The following SETX variants were observed in gnomAD, a reference collection of about 807,000 sequenced individuals.
SETX encodes the protein helicase senataxin.
Under a neutral mutation model 227.2 loss-of-function variants are expected in SETX, and 90 were observed. The ratio of observed to expected loss-of-function variants is 0.40; its 90% CI spans 0.33 to 0.47. SETX has a LOEUF of 0.47. SETX is among the 20% of genes least tolerant of loss of function. The pLI, the probability that SETX is intolerant of heterozygous loss-of-function variation, is 0.91. For synonymous variants in SETX, 1,210 were observed against 1,113.2 expected (o/e 1.09, Z -1.73); for missense variants, 3,052 against 3,181.5 (o/e 0.96, Z 0.98).
At chr9:132,275,502 T>C (rs925618053) in intron 22 of SETX, 82 bp from the exon 23 acceptor site, 1 of 1,250,042 alleles carries the variant, frequency 8.0e-7, no homozygotes, top group Non-Finnish European at 1.1e-6. Context: ...ACTGAGTTTG[T>C]TTCCCATTAT....
At chr9:132,310,933 A>T (rs1471324048) in intron 11 of SETX, among the ~76,000 whole-genome samples, 1 of 152,326 alleles carries the variant, frequency 6.6e-6, no homozygotes, top group African/African-American at 2.4e-5. Context: ...AATACAGTAC[A>T]TAATACATGT....
intron 23 of SETX, 178 bp downstream of exon 23, chr9:132,275,078 G>C (rs968132475): frequency 4.7e-6 from 3 of 642,378 alleles, no homozygotes; most frequent in Non-Finnish European, 8.2e-6. Context: ...GAAGTAACCT[G>C]TCTACCCAGG....
At chr9:132,300,836 AC>A in intron 11 of SETX, 33 bp from the exon 12 acceptor site, 1 of 1,559,836 alleles carries the variant, frequency 6.4e-7, no homozygotes, top group Middle Eastern at 2.0e-4. Flanking sequence ...AATTCATATA[AC>A]TCTAATAGAA....
At chr9:132,283,477 T>A (rs1413021637) in intron 18 of SETX, 64 bp from the exon 19 acceptor site, 1 of 1,570,722 alleles carries the variant, frequency 6.4e-7, no homozygotes, top group Non-Finnish European at 8.8e-7. Flanking sequence ...GACAGGCCTA[T>A]GTTTACTATA....
chr9:132,292,010 TC>T (rs1350273671), intron 15 of SETX, among the ~76,000 whole-genome samples: 3 of 152,182 alleles, frequency 2.0e-5, no homozygotes, highest in African/African-American at 2.4e-5. Context: ...TAAATTTAAT[TC>T]CATCTATTAA....
At chr9:132,301,987 G>C (rs954917247) in intron 11 of SETX, among the ~76,000 whole-genome samples, 1 of 152,182 alleles carries the variant, frequency 6.6e-6, no homozygotes, top group African/African-American at 2.4e-5. Flanking sequence ...TAAGTTCAAG[G>C]CCTAAGACTT....
At position 132,327,730 on chromosome 9, in the gene SETX, T is replaced by G. The variant is rs768507561; in HGVS notation, c.3868A>C (p.Lys1290Gln). 6.2e-7 allele frequency: 1 copy of G among 1,614,226 alleles called. No homozygotes were observed. Among genetic ancestry groups the G allele is most frequent in the Non-Finnish European group, 8.5e-7 (1 of 1,180,036 alleles). ...TCATATGCCTTACGAGGACCCTTTT[T>G]CAGGCCAAGTTTCTCAGCTGTTGAA... The part of the protein sequence containing the change: ...PTSTAEKLGL[K>Q]KGPRKAYELS... The change falls in exon 10 of 26, where the codon AAA (lysine) becomes CAA (glutamine). Residue 1290 changes from lysine to glutamine, a missense_variant. Around this residue, in one of 10 missense-constraint regions of SETX, gnomAD observed 1,483 missense variants for 1,312.0 expected, o/e 1.13. Coordinates refer to ENST00000224140, the MANE Select transcript of SETX (RefSeq NM_015046.7).
intron 25 of SETX, among the ~76,000 whole-genome samples, chr9:132,267,862 A>T (rs1842721658): frequency 6.6e-6 from 1 of 152,172 alleles, no homozygotes; most frequent in Non-Finnish European, 1.5e-5. Context: ...GATGCGCCTC[A>T]TCCATCCAGA....
At chr9:132,341,231 T>A (rs530150855) in intron 5 of SETX, among the ~76,000 whole-genome samples, 1 of 152,104 alleles carries the variant, frequency 6.6e-6, no homozygotes, top group East Asian at 1.9e-4. Flanking sequence ...AAATAAAATA[T>A]AATAATAAAA....
chr9:132,265,221 TTTG>T (rs1376182776), intron 25 of SETX, among the ~76,000 whole-genome samples: 29 of 134,008 alleles, frequency 2.2e-4, no homozygotes, highest in African/African-American at 9.6e-4. Context: ...AACTTCAACT[TTTG>T]TTTTTTTTTT....
At chr9:132,296,807 C>T (rs1844698303) in intron 14 of SETX, 80 bp downstream of exon 14, 2 of 1,249,234 alleles carry the variant, frequency 1.6e-6, no homozygotes, top group East Asian at 2.3e-5. Context: ...CATGTTAATA[C>T]TTATTTACAT....
At chr9:132,274,628 T>C (rs1202929594) in intron 23 of SETX, among the ~76,000 whole-genome samples, 2 of 151,838 alleles carry the variant, frequency 1.3e-5, no homozygotes, top group East Asian at 1.9e-4. Context: ...TTTTTTTCAG[T>C]AGAGATGGGG....
In SETX at chr9:132,278,138, G is replaced by A; in HGVS notation, c.6774C>T (p.Tyr2258=). 1 of 1,614,172 alleles carries A rather than the reference G, an allele frequency of 6.2e-7. No homozygotes were observed. Among genetic ancestry groups the A allele is most frequent in the South Asian group, 1.1e-5 (1 of 91,082 alleles). Residue 2258 remains tyrosine, a synonymous_variant, in exon 21 of 26, where the codon TAC becomes TAT. Coordinates refer to ENST00000224140, the MANE Select transcript of SETX (RefSeq NM_015046.7). Reference sequence around the variant, plus strand: ...AGAGGCATATGTCTGGATGCATCCTGTACTGAACAGTGAGCTGTAGAATGG... The same window carrying A: ...AGAGGCATATGTCTGGATGCATCCTATACTGAACAGTGAGCTGTAGAATGG... ...RLPILQLTVQ[Y]RMHPDICLFP...
rs761725498 is a variant in SETX at position 132,329,199 on chromosome 9, C to T, written c.2399G>A (p.Arg800Lys). 3.1e-6 allele frequency: 5 copies of T among 1,613,662 alleles called. No homozygotes were observed. In the South Asian group the frequency reaches 5.5e-5, roughly 18 times the overall value. Residue 800 changes from arginine (R) to lysine (K), a missense_variant, in exon 10 of 26, where the codon AGG (arginine) becomes AAG (lysine). Arg to Lys is a conservative substitution (Grantham distance 26, BLOSUM62 2). Around this residue, in one of 10 missense-constraint regions of SETX, gnomAD observed 1,483 missense variants for 1,312.0 expected, o/e 1.13. Coordinates refer to ENST00000224140, the MANE Select transcript of SETX (RefSeq NM_015046.7). ...AGTATTATCGACCAAAGTACTCTTC[C>T]TGTGTTGCTTCTTTATTACATGTGA... ...KLSHVIKKQH[R>K]KSTLVDNTIN...
chr9:132,265,751 A>G (rs1842616441), intron 25 of SETX, among the ~76,000 whole-genome samples: 1 of 152,202 alleles, frequency 6.6e-6, no homozygotes, highest in African/African-American at 2.4e-5. Context: ...TCCTTTGGAC[A>G]TTGGTGATCT....
chr9:132,280,829 T>C (rs551565173), intron 20 of SETX, among the ~76,000 whole-genome samples: 1 of 152,306 alleles, frequency 6.6e-6, no homozygotes, highest in African/African-American at 2.4e-5. Context: ...GAATCTTTCA[T>C]GAGATTAAAA....
Position 132,327,337 on chromosome 9 carries a change from G to C in SETX, c.4261C>G (p.Pro1421Ala), listed in dbSNP as rs2131434545. Residue 1421 changes from proline to alanine, a missense_variant, in exon 10 of 26, where the codon CCA (proline) becomes GCA (alanine). Around this residue, in one of 10 missense-constraint regions of SETX, gnomAD observed 1,483 missense variants for 1,312.0 expected, o/e 1.13. Transcript: ENST00000224140. ...KQLIKCMPSE[P>A]ETIKAKHGSP... is the part of the protein sequence containing the mutation. ...CCATGTTTTGCTTTTATGGTTTCTGGTTCAGAAGGCATGCATTTTATTAAC... is the reference window on the plus strand; with the variant it reads ...CCATGTTTTGCTTTTATGGTTTCTGCTTCAGAAGGCATGCATTTTATTAAC... 1.2e-6 allele frequency: 2 copies of C among 1,614,206 alleles called. No individual in the cohort carries two copies. Among genetic ancestry groups the C allele is most frequent in the South Asian group, 2.2e-5 (2 of 91,088 alleles).
In SETX at chr9:132,349,341, A is replaced by G; in HGVS notation, c.88T>C (p.Phe30Leu). Residue 30 changes from phenylalanine to leucine, a missense_variant, in exon 3 of 26, where the codon TTT (phenylalanine) becomes CTT (leucine). This residue lies in a region of SETX where 152 missense variants were observed against 156.2 expected (regional missense o/e 0.97). Coordinates refer to ENST00000224140, the MANE Select transcript of SETX (RefSeq NM_015046.7). The part of the protein sequence containing the change: ...RYASNTPSGE[F>L]QTADEDLCYC... ...CAGAGGTCTTCGTCGGCTGTTTGAA[A>G]TTCACCGGACGGAGTGTTGGAAGCA... 1 of 1,614,142 alleles carries G rather than the reference A, an allele frequency of 6.2e-7. No homozygotes were observed. Among genetic ancestry groups the G allele is most frequent in the Non-Finnish European group, 8.5e-7 (1 of 1,180,038 alleles).
intron 15 of SETX, among the ~76,000 whole-genome samples, chr9:132,291,457 C>T (rs1227144608): frequency 2.0e-5 from 3 of 152,058 alleles, no homozygotes; most frequent in African/African-American, 7.2e-5. Context: ...TGAGCCACCT[C>T]GCCCGGCCTG....
Sources: allele counts gnomAD v4.1 joint callset (sites outside exome capture counted in the v4.1 genomes callset), GRCh38; gene constraint gnomAD v4.1.1; regional missense constraint gnomAD v4.1.1; transcripts MANE v1.5; gene names NCBI Gene and HGNC (gene_info 2026-07-23, HGNC 2026-07-21).